Variants in LRBA observed in about 807,000 individuals in gnomAD.
The protein encoded by LRBA is LPS responsive beige-like anchor protein.
LRBA carries 176 observed loss-of-function variants against 330.0 expected under a neutral mutation model. The ratio of observed to expected loss-of-function variants is 0.53; its 90% CI spans 0.47 to 0.60. The LOEUF (loss-of-function observed/expected upper bound fraction) is 0.60. Ranked by LOEUF, LRBA falls within the 20% of genes least tolerant of loss-of-function variation. The pLI is 0.00. For missense variants in LRBA, 3,259 were observed against 3,444.8 expected, an observed-to-expected ratio of 0.95 and a Z score of 1.35; for synonymous variants, 1,230 against 1,193.0, an observed-to-expected ratio of 1.03 and a Z score of -0.64.
intron 47 of LRBA, among the ~76,000 whole-genome samples, chr4:150,401,001 G>A (rs1745386523): frequency 6.6e-6 from 1 of 152,170 alleles, no homozygotes; most frequent in African/African-American, 2.4e-5. Context: ...ATTTACAGAG[G>A]TAAACAGGTT....
chr4:150,298,338 TTA>T (rs371014111), intron 53 of LRBA, among the ~76,000 whole-genome samples: 17 of 152,200 alleles, frequency 1.1e-4, no homozygotes, highest in African/African-American at 4.1e-4. Context: ...TCAGTAGTAT[TTA>T]TAGTCACATG....
intron 40 of LRBA, among the ~76,000 whole-genome samples, chr4:150,566,968 A>G (rs892405378): frequency 6.6e-6 from 1 of 152,146 alleles, no homozygotes. Flanking sequence ...AAGCCACAAT[A>G]TTTCCTAAGT....
At chr4:150,524,239 T>G (rs1024478728) in intron 40 of LRBA, among the ~76,000 whole-genome samples, 1 of 152,208 alleles carries the variant, frequency 6.6e-6, no homozygotes, top group Non-Finnish European at 1.5e-5. Context: ...TAATTTTTTC[T>G]TATAGTTACA....
intron 37 of LRBA, among the ~76,000 whole-genome samples, chr4:150,650,697 A>C (rs1779625553): frequency 6.6e-6 from 1 of 152,162 alleles, no homozygotes; most frequent in Admixed American, 6.5e-5. Flanking sequence ...TTAAAATGCT[A>C]TAAAAAATAA....
At position 150,489,500 on chromosome 4, in the gene LRBA, AT is replaced by A. The variant is rs1439987769; in HGVS notation, c.6448+1417del. 1.3e-3 allele frequency among the ~76,000 whole-genome samples: 54 copies of A among 42,708 alleles called. 14 individuals are homozygous for A. Among genetic ancestry groups the A allele is most frequent in the Non-Finnish European group, 2.3e-3 (37 of 16,350 alleles). The allele number at this position is 42,708 out of a possible 152,430, so 28.0% of individuals were successfully genotyped here. On this transcript the variant is annotated intron_variant, in intron 41 of 56. Coordinates refer to ENST00000651943, the MANE Select transcript of LRBA (RefSeq NM_001364905.1). ...TATATAAGAATATATAATATATTAT[AT>A]ATAAGAATATATAATATATAAGAAT... is the stretch of plus-strand genomic sequence containing the variant.
At chr4:150,959,634 C>T (rs994046438) in intron 2 of LRBA, among the ~76,000 whole-genome samples, 2 of 148,488 alleles carry the variant, frequency 1.3e-5, no homozygotes, top group African/African-American at 2.6e-5. Context: ...ACAATAACAA[C>T]GAATTGGTCT....
intron 40 of LRBA, among the ~76,000 whole-genome samples, chr4:150,572,699 C>T (rs891874077): frequency 2.0e-5 from 3 of 152,114 alleles, no homozygotes; most frequent in African/African-American, 4.8e-5. Flanking sequence ...CACTCCTCAA[C>T]CTAAACCTCC....
At chr4:150,752,525 G>A (rs939589226) in intron 35 of LRBA, among the ~76,000 whole-genome samples, 1 of 152,010 alleles carries the variant, frequency 6.6e-6, no homozygotes, top group African/African-American at 2.4e-5. Flanking sequence ...TTTAAGGCCA[G>A]TCTAGATCTT....
chr4:150,916,825 T>C (rs1445211835), intron 5 of LRBA, 87 bp from the exon 6 acceptor site: 3 of 1,011,582 alleles, frequency 3.0e-6, no homozygotes, highest in Non-Finnish European at 2.9e-6. Flanking sequence ...ATGCTACATA[T>C]ATTTGTACTA....
chr4:150,697,814 C>T (rs551313740), intron 36 of LRBA, among the ~76,000 whole-genome samples: 3 of 151,984 alleles, frequency 2.0e-5, no homozygotes, highest in African/African-American at 7.2e-5. Context: ...TAGGGAAGGG[C>T]CAGTTTTGTT....
At chr4:150,844,242 TATTC>T in intron 27 of LRBA, 35 bp from the exon 28 acceptor site, 4 of 1,009,832 alleles carry the variant, frequency 4.0e-6, no homozygotes, top group Non-Finnish European at 6.0e-6. Flanking sequence ...TATATATATA[TATTC>T]ATATATACAT....
chr4:150,465,923 C>T (rs1307235419), intron 44 of LRBA, among the ~76,000 whole-genome samples: 2 of 151,804 alleles, frequency 1.3e-5, no homozygotes, highest in East Asian at 3.9e-4. Flanking sequence ...ATAGGGAACA[C>T]AGAGAAGAAA....
chr4:150,852,575 T>A lies in LRBA; in HGVS notation c.3135A>T (p.Ala1045=). 6.2e-7 allele frequency: 1 copy of A among 1,613,976 alleles called. No homozygotes were observed. Among genetic ancestry groups the A allele is most frequent in the South Asian group, 1.1e-5 (1 of 91,078 alleles). Residue 1045 remains alanine, a synonymous_variant, in exon 23 of 57, where the codon GCA becomes GCT. Coordinates refer to ENST00000651943, the MANE Select transcript of LRBA (RefSeq NM_001364905.1). ...EETLTNETRN[A]DDLEVSSDII... ...TGTCAGAAGATACTTCTAAATCATC[T>A]GCATTCCTTGTCTCATTTGTCAGTG...
chr4:150,460,277 A>T (rs987451234), intron 44 of LRBA, among the ~76,000 whole-genome samples: 2 of 151,894 alleles, frequency 1.3e-5, no homozygotes, highest in African/African-American at 4.8e-5. Context: ...TATCTCACAC[A>T]TAAAAATATA....
rs531193753 is a variant in LRBA, at chr4:151,014,708, G to C, written c.-66C>G. 2 of 1,050,312 alleles carry C rather than the reference G, an allele frequency of 1.9e-6. No homozygotes were observed. Among genetic ancestry groups the C allele is most frequent in the East Asian group, 2.6e-5 (1 of 39,090 alleles). 65.1% of individuals were successfully genotyped at this position (1,050,312 alleles called of 1,614,324 possible). A position where few individuals can be genotyped will look rare whatever the true frequency, so the allele number is the denominator to read the frequency against. Reference sequence around the variant, plus strand: ...ACGGCAGTCGCTGCACTGGTAATGAGCACAACACACGCAATGCAAAACGAA... The same window carrying C: ...ACGGCAGTCGCTGCACTGGTAATGACCACAACACACGCAATGCAAAACGAA... On this transcript the variant is annotated 5_prime_UTR_variant, in exon 2 of 57. Transcript: ENST00000651943.
chr4:150,321,132 G>C lies in LRBA; in HGVS notation c.7630+59C>G. ...AAATGTTGAGATATGCTATATTTAA[G>C]TGGGTATTACACAGTGTTCAGCAGT... On this transcript the variant is annotated intron_variant, in intron 50 of 56. Coordinates refer to ENST00000651943, the MANE Select transcript of LRBA (RefSeq NM_001364905.1). The surrounding 1 kb of genome is among the most constrained non-coding windows in gnomAD (Gnocchi z 4.5). The C allele has an allele frequency of 1.9e-5, 26 of 1,346,218 alleles. No individual in the cohort carries two copies. The highest frequency in any genetic ancestry group is 2.6e-5 in the Non-Finnish European group (25 of 978,234). 83.4% of individuals were successfully genotyped at this position (1,346,218 alleles called of 1,614,324 possible).
At chr4:150,851,015 C>A in intron 23 of LRBA, 113 bp from the exon 24 acceptor site, 3 of 645,050 alleles carry the variant, frequency 4.7e-6, no homozygotes, top group Middle Eastern at 2.7e-4. Context: ...TTTTAAGACA[C>A]TATAAGAACC....
chr4:150,500,671 C>G (rs1267518483), intron 40 of LRBA, among the ~76,000 whole-genome samples: 8 of 152,194 alleles, frequency 5.3e-5, no homozygotes, highest in Non-Finnish European at 1.2e-4. Context: ...ATAGACTATT[C>G]TGTGTAGCAG....
chr4:150,332,501 G>A (rs1307393454), intron 48 of LRBA, among the ~76,000 whole-genome samples: 2 of 152,106 alleles, frequency 1.3e-5, no homozygotes, highest in Non-Finnish European at 2.9e-5. Context: ...TAATATTTCT[G>A]TGCTTCTACA....
Sources: gnomAD v4.1 joint callset for allele counts (sites outside exome capture counted in the v4.1 genomes callset) on GRCh38, gnomAD v4.1.1 for gene constraint, Gnocchi (gnomAD v3.1) non-coding constraint, MANE v1.5 for transcripts, NCBI Gene and HGNC (gene_info 2026-07-23, HGNC 2026-07-21) for gene names.